The following CDK13 variants were observed in gnomAD, a reference collection of about 807,000 sequenced individuals.
The protein encoded by CDK13 is cyclin dependent kinase 13, also known as cyclin-dependent kinase 13.
In CDK13, 40 loss-of-function variants were observed where a neutral mutation model predicts 137.6. That is an observed-to-expected ratio of 0.29 (90% confidence interval 0.23 to 0.38). The LOEUF (loss-of-function observed/expected upper bound fraction) is 0.38. Among genes scored for constraint, CDK13 ranks in the 10% least tolerant of loss-of-function variants. CDK13 has a pLI of 1.00. For synonymous variants in CDK13, 869 were observed against 760.1 expected (o/e 1.14, Z -2.36); for missense variants, 1,704 against 1,951.8 (o/e 0.87, Z 2.39).
At chr7:40,065,042 C>T (rs1226788449) in intron 9 of CDK13, among the ~76,000 whole-genome samples, 1 of 136,754 alleles carries the variant, frequency 7.3e-6, no homozygotes, top group African/African-American at 2.7e-5. Context: ...CTCTTGGACT[C>T]AAGCGATCAT....
At chr7:40,044,029 T>C (rs976830872) in intron 5 of CDK13, among the ~76,000 whole-genome samples, 4 of 151,708 alleles carry the variant, frequency 2.6e-5, no homozygotes, top group Non-Finnish European at 5.9e-5. Flanking sequence ...CTGGAGCAGC[T>C]GGGATTACAG....
chr7:39,974,417 T>A (rs1227761897), intron 1 of CDK13, among the ~76,000 whole-genome samples: 3 of 152,154 alleles, frequency 2.0e-5, no homozygotes, highest in African/African-American at 7.2e-5. Flanking sequence ...GAACACGGGA[T>A]GTCTTTCCTT....
chr7:39,972,062 C>T (rs1784011759), intron 1 of CDK13, among the ~76,000 whole-genome samples: 1 of 152,188 alleles, frequency 6.6e-6, no homozygotes, highest in African/African-American at 2.4e-5. Context: ...ACTCTTCTCA[C>T]CTGCTTTTCA....
chr7:40,054,829 CAAAG>C (rs1297792840), intron 7 of CDK13, among the ~76,000 whole-genome samples: 4 of 152,080 alleles, frequency 2.6e-5, no homozygotes, highest in South Asian at 2.1e-4. Flanking sequence ...TCCTGGCAGA[CAAAG>C]AAATAGTGTC....
chr7:40,084,203 G>A (rs377206020), intron 11 of CDK13, among the ~76,000 whole-genome samples: 6 of 152,044 alleles, frequency 3.9e-5, no homozygotes, highest in African/African-American at 1.2e-4. Flanking sequence ...AAATTAGGCC[G>A]GGCGCAGTGG....
chr7:39,973,590 C>T lies in CDK13; in HGVS notation c.1212-14009C>T, dbSNP rs60489845. On this transcript the variant is annotated intron_variant, in intron 1 of 13. Transcript: ENST00000181839. ...TTTGTTGATGGTGTCTTTTAAAGCA[C>T]AAAAGTATTTTATTTTGATGGAGTC... 8.5e-3 allele frequency among the ~76,000 whole-genome samples: 1,288 copies of T among 152,256 alleles called. 16 individuals are homozygous for T. Among genetic ancestry groups the T allele is most frequent in the African/African-American group, 0.029 (1,216 of 41,548 alleles).
At chr7:39,989,865 C>T (rs1262955004) in intron 2 of CDK13, among the ~76,000 whole-genome samples, 1 of 151,446 alleles carries the variant, frequency 6.6e-6, no homozygotes, top group East Asian at 1.9e-4. Context: ...TCACTGCAAG[C>T]TCTGCCTCCT....
Position 39,978,756 on chromosome 7 carries a change from G to T in CDK13, c.1212-8843G>T, listed in dbSNP as rs143330680. ...GTCTGAGACACAGCATTTCTGACAA[G>T]CTCACAATTGGTGCTGATGCTGCCT... On this transcript the variant is annotated intron_variant, in intron 1 of 13. Transcript: ENST00000181839. 1.6e-3 allele frequency among the ~76,000 whole-genome samples: 246 copies of T among 152,312 alleles called. 1 individual carries two copies. The highest frequency in any genetic ancestry group is 2.6e-3 in the Non-Finnish European group (174 of 68,028).
intron 5 of CDK13, among the ~76,000 whole-genome samples, chr7:40,018,693 G>A (rs1785052411): frequency 1.3e-5 from 2 of 152,154 alleles, no homozygotes; most frequent in Non-Finnish European, 2.9e-5. Context: ...ACTTATAAGT[G>A]GGAGCTAAGC....
chr7:39,999,402 T>C lies in CDK13; in HGVS notation c.2084T>C (p.Ile695Thr), dbSNP rs145551468. ...PRYGETKEKD[I>T]DWGKRCVDKF... ...TATGGTGAAACCAAAGAAAAAGATATTGACTGGGGAAAACGCTGCGTGGAT... is the reference window on the plus strand; with the variant it reads ...TATGGTGAAACCAAAGAAAAAGATACTGACTGGGGAAAACGCTGCGTGGAT... The change falls in exon 4 of 14, where the codon ATT becomes ACT. Residue 695 changes from isoleucine (I) to threonine (T), a missense_variant. By Grantham distance (89) the Ile-to-Thr change is moderately conservative. Transcript: ENST00000181839. The C allele has an allele frequency of 1.1e-4, 172 of 1,612,850 alleles. No individual in the cohort carries two copies. The highest frequency in any genetic ancestry group is 1.3e-4 in the Non-Finnish European group (159 of 1,179,384).
intron 1 of CDK13, among the ~76,000 whole-genome samples, chr7:39,961,199 A>G (rs1787609368): frequency 6.6e-6 from 1 of 152,054 alleles, no homozygotes; most frequent in Non-Finnish European, 1.5e-5. Flanking sequence ...TCTCTACTAA[A>G]AATACAAAAC....
In CDK13 at chr7:39,951,090, G is replaced by A. The variant is rs1787160555; in HGVS notation, c.449G>A (p.Ser150Asn). The A allele has an allele frequency of 2.4e-6, 3 of 1,260,962 alleles. No homozygotes were observed. The highest frequency in any genetic ancestry group is 1.5e-5 in the African/African-American group (1 of 64,656). 78.1% of individuals were successfully genotyped at this position (1,260,962 alleles called of 1,614,324 possible). ...CCGCTGGTGGAATACGAGGATGTGA[G>A]CTCCCAGTCCGAGCAGGGGCTGCTG... ...VTPLVEYEDVSSQSEQGLLLG... is the reference protein window; with the variant it reads ...VTPLVEYEDVNSQSEQGLLLG... Residue 150 changes from serine (S) to asparagine (N), a missense_variant, in exon 1 of 14, where the codon AGC becomes AAC. Physicochemically the swap from Ser to Asn is conservative, Grantham distance 46. This residue lies in a region of CDK13 where 1,051 missense variants were observed against 931.0 expected (regional missense o/e 1.13). Transcript: ENST00000181839.
In CDK13 at chr7:39,976,321, T is replaced by TCACACACACACACACACA. The variant is rs1248415358; in HGVS notation, c.1212-11277_1212-11276insACACACACACACACACAC. Among the ~76,000 whole-genome samples, 7 of 36,010 alleles carry TCACACACACACACACACA rather than the reference T, an allele frequency of 1.9e-4. No individual in the cohort carries two copies. The South Asian group carries it at 4.7e-3, about 24-fold the overall frequency. The allele number at this position is 36,010 out of a possible 152,430, so 23.6% of individuals were successfully genotyped here. A position where few individuals can be genotyped will look rare whatever the true frequency, so the allele number is the denominator to read the frequency against. On this transcript the variant is annotated intron_variant, in intron 1 of 13. Transcript: ENST00000181839. ...CTCTCTCTCTCTCTCTCTCTCTCTC[T>TCACACACACACACACACA]CTCACACACACACACACACACACAC...
intron 4 of CDK13, among the ~76,000 whole-genome samples, chr7:40,001,141 A>G (rs1469716346): frequency 6.6e-6 from 1 of 151,456 alleles, no homozygotes; most frequent in Non-Finnish European, 1.5e-5. Flanking sequence ...ACATAAGCAT[A>G]TTGGCTATAT....
At chr7:40,079,364 A>G (rs1786615303) in intron 11 of CDK13, among the ~76,000 whole-genome samples, 2 of 152,132 alleles carry the variant, frequency 1.3e-5, no homozygotes, top group Non-Finnish European at 1.5e-5. Flanking sequence ...GGTTGCAGTG[A>G]GCCAAGATCA....
intron 2 of CDK13, among the ~76,000 whole-genome samples, chr7:39,989,716 C>G (rs939775719): frequency 1.3e-5 from 2 of 151,342 alleles, no homozygotes; most frequent in African/African-American, 4.9e-5. Context: ...AATTGAATTA[C>G]TTCATTAGAG....
chr7:39,963,342 C>T (rs1366016326), intron 1 of CDK13, among the ~76,000 whole-genome samples: 1 of 152,162 alleles, frequency 6.6e-6, no homozygotes, highest in Non-Finnish European at 1.5e-5. Flanking sequence ...TCCTTCACAT[C>T]CCTTGTAAGT....
chr7:39,982,886 G>A (rs1273734879), intron 1 of CDK13, among the ~76,000 whole-genome samples: 1 of 152,076 alleles, frequency 6.6e-6, no homozygotes, highest in Non-Finnish European at 1.5e-5. Flanking sequence ...TTGTAAATTT[G>A]TTTGAGTTCA....
chr7:39,951,092 T>C lies in CDK13; in HGVS notation c.451T>C (p.Ser151Pro), dbSNP rs2116054551. Residue 151 changes from serine to proline, a missense_variant, in exon 1 of 14, where the codon TCC becomes CCC. Physicochemically the swap from Ser to Pro is moderately conservative, Grantham distance 74. Around this residue, in one of 5 missense-constraint regions of CDK13, gnomAD observed 1,051 missense variants for 931.0 expected, o/e 1.13. Coordinates refer to ENST00000181839, the MANE Select transcript of CDK13 (RefSeq NM_003718.5). The part of the protein sequence containing the change: ...TPLVEYEDVS[S>P]QSEQGLLLGG... ...GCTGGTGGAATACGAGGATGTGAGC[T>C]CCCAGTCCGAGCAGGGGCTGCTGCT... 7.9e-7 allele frequency: 1 copy of C among 1,259,214 alleles called. No homozygotes were observed. Among genetic ancestry groups the C allele is most frequent in the South Asian group, 3.2e-5 (1 of 31,392 alleles). The allele number at this position is 1,259,214 out of a possible 1,614,324, so 78.0% of individuals were successfully genotyped here.
Sources: gnomAD v4.1 joint callset for allele counts (sites outside exome capture counted in the v4.1 genomes callset) on GRCh38, gnomAD v4.1.1 for gene constraint, gnomAD v4.1.1 regional missense constraint, MANE v1.5 for transcripts, NCBI Gene and HGNC (gene_info 2026-07-23, HGNC 2026-07-21) for gene names.